The following VWF variants were observed in gnomAD, a reference collection of about 807,000 sequenced individuals.
VWF encodes von Willebrand factor, also known as Factor VIII related antigen.
VWF carries 176 observed loss-of-function variants against 308.6 expected under a neutral mutation model. The observed-to-expected ratio is 0.57, with a 90% CI of 0.50 to 0.65. VWF has a LOEUF of 0.65. VWF is among the 30% of genes least tolerant of loss of function. The probability of loss-of-function intolerance (pLI) is 0.00; values close to 1 mark genes in which losing one functional copy is unlikely to be tolerated. For synonymous variants in VWF, 1,385 were observed against 1,443.4 expected (o/e 0.96, Z 0.92); for missense variants, 3,146 against 3,648.2 (o/e 0.86, Z 3.55).
intron 3 of VWF, among the ~76,000 whole-genome samples, chr12:6,111,733 G>A (rs1373441934): frequency 2.0e-5 from 3 of 152,022 alleles, no homozygotes; most frequent in South Asian, 2.1e-4. Context: ...GGTGGATCAC[G>A]AGGTCAGGAG....
chr12:5,972,130 G>A (rs939900485), intron 43 of VWF, among the ~76,000 whole-genome samples: 3 of 152,184 alleles, frequency 2.0e-5, no homozygotes, highest in Non-Finnish European at 4.4e-5. Flanking sequence ...CATACAAGAC[G>A]AACACTCGAT....
rs1179417103 is a variant in VWF, at chr12:5,998,465, C to CAAAA, written c.5843-2247_5843-2244dup. Reference sequence around the variant, plus strand: ...GTGAGCCGAGATTCCGAGACTCCGTCAAAAAAAAAAAAAAAAAAAAAAAAA... The same window carrying CAAAA: ...GTGAGCCGAGATTCCGAGACTCCGTCAAAAAAAAAAAAAAAAAAAAAAAAAAAAA... On this transcript the variant is annotated intron_variant, in intron 34 of 51. Transcript: ENST00000261405. Among the ~76,000 whole-genome samples the CAAAA allele has an allele frequency of 6.4e-4, 35 of 54,580 alleles. 1 individual carries two copies. Among genetic ancestry groups the CAAAA allele is most frequent in the African/African-American group, 8.0e-4 (10 of 12,498 alleles). The allele number at this position is 54,580 out of a possible 152,430, so 35.8% of individuals were successfully genotyped here.
chr12:6,012,465 T>C (rs1403353519), intron 32 of VWF, among the ~76,000 whole-genome samples: 2 of 152,254 alleles, frequency 1.3e-5, no homozygotes, highest in South Asian at 4.1e-4. Flanking sequence ...CCTGGAAACC[T>C]GAAAGAGATC....
intron 48 of VWF, among the ~76,000 whole-genome samples, chr12:5,952,788 G>C (rs528923460): frequency 1.3e-5 from 2 of 151,976 alleles, no homozygotes; most frequent in Non-Finnish European, 2.9e-5. Context: ...CAGTAAACTG[G>C]CTAGCTGATA....
At chr12:5,968,050 A>G (rs11063963) in intron 46 of VWF, 77 bp downstream of exon 46, 54,206 of 1,594,412 alleles carry the variant, frequency 0.034, 1,080 homozygotes, top group Non-Finnish European at 0.039. Flanking sequence ...CTTTACAATG[A>G]CTTGCCTGCT....
chr12:5,980,135 G>GAAGA (rs1329133667), intron 42 of VWF, among the ~76,000 whole-genome samples: 20 of 105,816 alleles, frequency 1.9e-4, no homozygotes, highest in African/African-American at 6.7e-4. Flanking sequence ...AGGAAGGAAG[G>GAAGA]AAGAAAGGAG....
chr12:6,105,406 T>C (rs1373186009), intron 5 of VWF, among the ~76,000 whole-genome samples: 1 of 152,082 alleles, frequency 6.6e-6, no homozygotes, highest in Non-Finnish European at 1.5e-5. Context: ...TTTTTATATT[T>C]TTAGTAGAGA....
chr12:5,993,729 C>T (rs1943771239), intron 37 of VWF, 133 bp downstream of exon 37: 1 of 752,154 alleles, frequency 1.3e-6, no homozygotes, highest in Non-Finnish European at 2.2e-6. Context: ...TTGATCCTAA[C>T]TGGAATCCCA....
chr12:6,089,324 T>C (rs1945006684), intron 6 of VWF, among the ~76,000 whole-genome samples: 1 of 152,236 alleles, frequency 6.6e-6, no homozygotes, highest in Non-Finnish European at 1.5e-5. Context: ...GTAAACAACC[T>C]GAAACCGGGA....
At chr12:6,077,225 G>C (rs1944854520) in intron 6 of VWF, among the ~76,000 whole-genome samples, 1 of 152,230 alleles carries the variant, frequency 6.6e-6, no homozygotes, top group African/African-American at 2.4e-5. Context: ...CAAGAGAATT[G>C]CTTGAACGGC....
In VWF at chr12:6,065,170, G is replaced by A; in HGVS notation, c.1260C>T (p.Asp420=). Residue 420 remains aspartate (D), a synonymous_variant, in exon 11 of 52, where the codon GAC becomes GAT. Coordinates refer to ENST00000261405, the MANE Select transcript of VWF (RefSeq NM_000552.5). ...TCTCAATGACAATGGAGAAGGAGTG[G>A]TCCTGGCAATCCCGGGCCAGCAGGT... The part of the protein sequence containing the change: ...CQYLLARDCQ[D]HSFSIVIETV... 1 of 1,614,218 alleles carries A rather than the reference G, an allele frequency of 6.2e-7. No homozygotes were observed. The highest frequency in any genetic ancestry group is 8.5e-7 in the Non-Finnish European group (1 of 1,180,040).
chr12:6,006,918 T>G (rs751489028), intron 34 of VWF, among the ~76,000 whole-genome samples: 2 of 152,198 alleles, frequency 1.3e-5, no homozygotes, highest in Non-Finnish European at 2.9e-5. Flanking sequence ...CATGCCAATG[T>G]TAACTAAAAG....
Position 5,957,584 on chromosome 12 carries a change from A to G in VWF, c.7888-3990T>C, listed in dbSNP as rs117528744. On this transcript the variant is annotated intron_variant, in intron 47 of 51. Transcript: ENST00000261405. ...AATGGCGGCTGACTGGTCATCAGAA[A>G]TAACACAAGCCAAAGACTAAGAAAC... 7.5e-3 allele frequency among the ~76,000 whole-genome samples: 1,141 copies of G among 151,934 alleles called. 14 individuals carry two copies. The highest frequency in any genetic ancestry group is 0.02 in the Middle Eastern group (6 of 294).
intron 22 of VWF, among the ~76,000 whole-genome samples, chr12:6,026,693 G>A (rs375804033): frequency 1.3e-5 from 2 of 152,156 alleles, no homozygotes; most frequent in African/African-American, 4.8e-5. Flanking sequence ...TCTAGTGTTC[G>A]GTAGCACCAC....
Position 5,968,156 on chromosome 12 carries a change from C to T in VWF, c.7741G>A (p.Ala2581Thr), listed in dbSNP as rs1022335649. The change falls in exon 46 of 52, where the codon GCC becomes ACC. Residue 2581 changes from alanine to threonine, a missense_variant. Around this residue, in one of 3 missense-constraint regions of VWF, gnomAD observed 989 missense variants for 1,117.4 expected, o/e 0.89. Coordinates refer to ENST00000261405, the MANE Select transcript of VWF (RefSeq NM_000552.5). ...ATGACAGTGCCATTGAGCATGCAGGCCTCCATGCGCTCTGGGGGAGAGAAA... is the reference window on the plus strand; with the variant it reads ...ATGACAGTGCCATTGAGCATGCAGGTCTCCATGCGCTCTGGGGGAGAGAAA... ...CPSCRCERME[A>T]CMLNGTVIGP... is the part of the protein sequence containing the mutation. 1 of 1,614,088 alleles carries T rather than the reference C, an allele frequency of 6.2e-7. No homozygotes were observed.
At chr12:6,061,860 T>C (rs1944658216) in intron 13 of VWF, among the ~76,000 whole-genome samples, 1 of 152,244 alleles carries the variant, frequency 6.6e-6, no homozygotes, top group South Asian at 2.1e-4. Flanking sequence ...ACATGCAATA[T>C]TGCAAAAGAT....
chr12:6,012,238 A>T, intron 32 of VWF, 108 bp from the exon 33 acceptor site: 1 of 1,186,834 alleles, frequency 8.4e-7, no homozygotes, highest in South Asian at 1.2e-5. Flanking sequence ...AGTCAACTCA[A>T]CTCTGAAAAG....
chr12:6,024,802 T>A lies in VWF; in HGVS notation c.3222+778A>T, dbSNP rs1944171512. ...ACTTTGGGAGGCCGAGGTGGGTAGA[T>A]CACCTGAGTCAGGAGTTCAAGGCCA... is the stretch of plus-strand genomic sequence containing the variant. On this transcript the variant is annotated intron_variant, in intron 24 of 51. Transcript: ENST00000261405. The surrounding 1 kb of genome is among the most constrained non-coding windows in gnomAD (Gnocchi z 4.0). Among the ~76,000 whole-genome samples, 1 of 152,186 alleles carries A rather than the reference T, an allele frequency of 6.6e-6. No individual in the cohort carries two copies. Among genetic ancestry groups the A allele is most frequent in the Admixed American group, 6.5e-5 (1 of 15,278 alleles).
At chr12:6,103,283 C>CTT in intron 5 of VWF, among the ~76,000 whole-genome samples, 3 of 151,692 alleles carry the variant, frequency 2.0e-5, no homozygotes, top group African/African-American at 7.3e-5. Context: ...AGCCAATCCA[C>CTT]GCCACTGCAC....
Sources: allele counts gnomAD v4.1 joint callset (sites outside exome capture counted in the v4.1 genomes callset), GRCh38; gene constraint gnomAD v4.1.1; regional missense constraint gnomAD v4.1.1; non-coding constraint Gnocchi (gnomAD v3.1); transcripts MANE v1.5; gene names NCBI Gene and HGNC (gene_info 2026-07-23, HGNC 2026-07-21).